CDH12: variants seen among roughly 807,000 people sequenced by gnomAD.
CDH12 encodes cadherin 12, also known as cadherin-12.
In CDH12, 41 loss-of-function variants were observed where a neutral mutation model predicts 74.1. The observed-to-expected ratio is 0.55, with a 90% CI of 0.43 to 0.72. The LOEUF is 0.72. Ranked by LOEUF, CDH12 falls within the 30% of genes least tolerant of loss-of-function variation. The probability of loss-of-function intolerance (pLI) is 0.00; values close to 1 mark genes in which losing one functional copy is unlikely to be tolerated. For missense variants in CDH12, 945 were observed against 977.2 expected (o/e 0.97, Z 0.44); for synonymous variants, 399 against 355.0 (o/e 1.12, Z -1.39).
At chr5:22,209,211 C>G (rs1751394949) in intron 4 of CDH12, among the ~76,000 whole-genome samples, 1 of 152,120 alleles carries the variant, frequency 6.6e-6, no homozygotes, top group Admixed American at 6.5e-5. Context: ...TATAACATCC[C>G]TCCCTTCTTG....
chr5:22,570,812 T>C (rs773095698), intron 1 of CDH12, among the ~76,000 whole-genome samples: 1 of 148,862 alleles, frequency 6.7e-6, no homozygotes, highest in East Asian at 1.9e-4. Flanking sequence ...ATGAAAATCC[T>C]AGGTGACATC....
At chr5:21,958,286 A>C (rs1756191778) in intron 6 of CDH12, among the ~76,000 whole-genome samples, 1 of 152,080 alleles carries the variant, frequency 6.6e-6, no homozygotes, top group African/African-American at 2.4e-5. Flanking sequence ...TAGCAGTGTG[A>C]AAATGGACTA....
chr5:22,222,699 T>C (rs933008949), intron 3 of CDH12, among the ~76,000 whole-genome samples: 3 of 151,858 alleles, frequency 2.0e-5, no homozygotes, highest in Non-Finnish European at 4.4e-5. Context: ...CAATTTATTA[T>C]ATTAATGACA....
chr5:22,155,485 C>T (rs976845667), intron 4 of CDH12, among the ~76,000 whole-genome samples: 1 of 151,956 alleles, frequency 6.6e-6, no homozygotes, highest in Non-Finnish European at 1.5e-5. Flanking sequence ...ATATAAAGAT[C>T]TTTTAATCAT....
At chr5:22,578,620 A>G (rs2126778787) in intron 1 of CDH12, among the ~76,000 whole-genome samples, 1 of 152,232 alleles carries the variant, frequency 6.6e-6, no homozygotes, top group African/African-American at 2.4e-5. Flanking sequence ...GAAAATCAGA[A>G]TGTCTCCTTT....
intron 11 of CDH12, among the ~76,000 whole-genome samples, chr5:21,777,185 T>A (rs1329002971): frequency 6.6e-6 from 1 of 152,140 alleles, no homozygotes; most frequent in East Asian, 1.9e-4. Flanking sequence ...TCAAAAAAGA[T>A]CCTTCACAAT....
At chr5:22,306,139 C>T (rs1346138611) in intron 3 of CDH12, among the ~76,000 whole-genome samples, 1 of 152,022 alleles carries the variant, frequency 6.6e-6, no homozygotes, top group African/African-American at 2.4e-5. Context: ...CTTTTGCCCC[C>T]CTCTACTACA....
chr5:21,921,075 T>G (rs1754330252), intron 6 of CDH12, among the ~76,000 whole-genome samples: 1 of 152,210 alleles, frequency 6.6e-6, no homozygotes, highest in Admixed American at 6.5e-5. Context: ...GTCATCTCTC[T>G]TCTGTCTCTG....
intron 1 of CDH12, among the ~76,000 whole-genome samples, chr5:22,813,512 A>AT (rs1362249288): frequency 2.0e-5 from 3 of 152,116 alleles, no homozygotes; most frequent in Non-Finnish European, 4.4e-5. Flanking sequence ...ACCTTTGGTG[A>AT]TCCCTTCTCT....
intron 1 of CDH12, among the ~76,000 whole-genome samples, chr5:22,760,409 G>A (rs955185072): frequency 3.9e-5 from 6 of 152,190 alleles, no homozygotes; most frequent in African/African-American, 7.2e-5. Context: ...GGCCGGGCGC[G>A]GTGGCTCCCG....
intron 2 of CDH12, among the ~76,000 whole-genome samples, chr5:22,471,358 C>CATG (rs1745951065): frequency 6.6e-6 from 1 of 152,178 alleles, no homozygotes; most frequent in Admixed American, 6.5e-5. Flanking sequence ...GTCCCTTCTG[C>CATG]ATGAGATCAT....
chr5:22,278,339 C>A (rs899427542), intron 3 of CDH12, among the ~76,000 whole-genome samples: 1 of 152,154 alleles, frequency 6.6e-6, no homozygotes, highest in Non-Finnish European at 1.5e-5. Flanking sequence ...TTGGCTCTAC[C>A]ACCTGGCCTA....
At chr5:22,561,535 C>T (rs1377255027) in intron 1 of CDH12, among the ~76,000 whole-genome samples, 2 of 152,008 alleles carry the variant, frequency 1.3e-5, no homozygotes, top group Non-Finnish European at 2.9e-5. Context: ...GGAGCTGGAT[C>T]TATTTCTTCA....
chr5:22,609,017 T>G (rs1474500301), intron 1 of CDH12, among the ~76,000 whole-genome samples: 1 of 152,132 alleles, frequency 6.6e-6, no homozygotes, highest in African/African-American at 2.4e-5. Context: ...CCACAATGGA[T>G]AGCCAGGCCT....
intron 3 of CDH12, chr5:22,213,490 G>T (rs1217372952): frequency 2.0e-5 from 3 of 152,172 alleles, no homozygotes; most frequent in Admixed American, 6.5e-5. Context: ...ACAAAAACAA[G>T]CAAGCATATG....
chr5:22,529,180 T>TAGAGAG (rs1737450530), intron 1 of CDH12, among the ~76,000 whole-genome samples: 1 of 86,470 alleles, frequency 1.2e-5, no homozygotes, highest in East Asian at 3.6e-4. Context: ...TATATATATA[T>TAGAGAG]ATATATATAG....
rs545287905 is a variant in CDH12 at position 21,976,430 on chromosome 5, G to A, written c.232-1045C>T. On this transcript the variant is annotated intron_variant, in intron 5 of 14. Transcript: ENST00000382254. ...ACAGTCTTAAACGTATATAAATTAC[G>A]TGTAAATAAATAAATATATACATAA... 1.7e-4 allele frequency among the ~76,000 whole-genome samples: 25 copies of A among 151,226 alleles called. No homozygotes were observed. In the South Asian group the frequency reaches 2.7e-3, roughly 16 times the overall value.
intron 6 of CDH12, among the ~76,000 whole-genome samples, chr5:21,908,707 T>C (rs1245701032): frequency 6.6e-6 from 1 of 152,132 alleles, no homozygotes; most frequent in Non-Finnish European, 1.5e-5. Context: ...CAATGTCACA[T>C]ACAAAAGGGC....
intron 2 of CDH12, among the ~76,000 whole-genome samples, chr5:22,447,901 G>C (rs1339807474): frequency 2.7e-5 from 4 of 150,308 alleles, no homozygotes; most frequent in Non-Finnish European, 5.9e-5. Flanking sequence ...CAGCACTTTG[G>C]GGGGCCAAAG....
Sources: gnomAD v4.1 joint callset for allele counts (sites outside exome capture counted in the v4.1 genomes callset) on GRCh38, gnomAD v4.1.1 for gene constraint, MANE v1.5 for transcripts, NCBI Gene and HGNC (gene_info 2026-07-23, HGNC 2026-07-21) for gene names.